The following ZSCAN5A variants were observed in gnomAD, a reference collection of about 807,000 sequenced individuals.
ZSCAN5A encodes zinc finger and SCAN domain containing 5A, also known as zinc finger and SCAN domain-containing protein 5A.
Under a neutral mutation model 23.7 loss-of-function variants are expected in ZSCAN5A, and 12 were observed. That is an observed-to-expected ratio of 0.51 (90% confidence interval 0.32 to 0.82). The LOEUF is 0.82. Ranked by LOEUF, ZSCAN5A falls within the 40% of genes least tolerant of loss-of-function variation. The probability of loss-of-function intolerance (pLI) is 0.03; values close to 1 mark genes in which losing one functional copy is unlikely to be tolerated. For synonymous variants in ZSCAN5A, 257 were observed against 239.9 expected (o/e 1.07, Z -0.66); for missense variants, 597 against 617.9 (o/e 0.97, Z 0.36).
At chr19:56,319,715 T>G (rs1271708961), upstream of ZSCAN5A, 27 of 628,160 alleles carry the variant, frequency 4.3e-5, no homozygotes, top group Admixed American at 5.8e-4. Context: ...TAGCAAAATA[T>G]GCACAAACAA....
chr19:56,320,886 G>T, intron 2 of ZSCAN5A: 1 of 765,614 alleles, frequency 1.3e-6, no homozygotes, highest in South Asian at 1.3e-5. Context: ...TAGAGTGTGG[G>T]GTTCCAATCT....
chr19:56,244,524 T>C lies in ZSCAN5A; in HGVS notation c.-127-19351A>G, dbSNP rs576895949. The C allele has an allele frequency of 5.9e-6, 8 of 1,359,360 alleles. 1 individual carries two copies. The Admixed American group carries it at 1.4e-4, about 24-fold the overall frequency. The allele number at this position is 1,359,360 out of a possible 1,614,324, so 84.2% of individuals were successfully genotyped here. A position where few individuals can be genotyped will look rare whatever the true frequency, so the allele number is the denominator to read the frequency against. On this transcript the variant is annotated intron_variant, in intron 2 of 5. Transcript: ENST00000683990. The stretch of plus-strand genomic sequence containing the variant: ...AGAGGACCCGAGGGGCTGCTCTAGG[T>C]CAGGGCTTCCAAGTAGAGGAGAGTT...
At chr19:56,318,366 A>C (rs2041339697), upstream of ZSCAN5A, among the ~76,000 whole-genome samples, 1 of 152,206 alleles carries the variant, frequency 6.6e-6, no homozygotes, top group African/African-American at 2.4e-5. Context: ...ATCAAAAGTA[A>C]TAAATAATGG....
rs560220852 is a variant in ZSCAN5A, at chr19:56,309,281, T to C, written c.-128+4002A>G. Among the ~76,000 whole-genome samples, 5 of 152,198 alleles carry C rather than the reference T, an allele frequency of 3.3e-5. No individual in the cohort carries two copies. The South Asian group carries it at 6.2e-4, about 19-fold the overall frequency. ...AAAGAGACAGAAGGCCAATTACTAGTTGTCAGGGGCTGAGGGGAGGAAGGA... is the reference window on the plus strand; with the variant it reads ...AAAGAGACAGAAGGCCAATTACTAGCTGTCAGGGGCTGAGGGGAGGAAGGA... On this transcript the variant is annotated intron_variant, in intron 2 of 5. Coordinates refer to ENST00000683990, the MANE Select transcript of ZSCAN5A (RefSeq NM_001322064.3).
At chr19:56,285,048 T>C in intron 2 of ZSCAN5A, 2 of 983,800 alleles carry the variant, frequency 2.0e-6, no homozygotes, top group South Asian at 9.4e-5. Flanking sequence ...TTGTATCTTT[T>C]AAACCTGGTC....
Position 56,320,615 on chromosome 19 carries a change from AAATAAT to A in ZSCAN5A, c.-357-4353_-357-4348del, listed in dbSNP as rs767420878. ...TGACAAGAGCGAAATTCTGTCTCAA[AAATAAT>A]AATAATAATAATAATAAGCCAGGCG... On this transcript the variant is annotated intron_variant, in intron 2 of 6. Coordinates refer to the ZSCAN5A transcript ENST00000587340. 147 of 631,332 alleles carry A rather than the reference AAATAAT, an allele frequency of 2.3e-4. 2 individuals are homozygous for A. The highest frequency in any genetic ancestry group is 1.2e-3 in the South Asian group (76 of 60,826). The allele number at this position is 631,332 out of a possible 1,614,324, so 39.1% of individuals were successfully genotyped here. A position where few individuals can be genotyped will look rare whatever the true frequency, so the allele number is the denominator to read the frequency against.
intron 2 of ZSCAN5A, chr19:56,299,993 G>A (rs1038692136): frequency 6.6e-6 from 1 of 152,140 alleles, no homozygotes; most frequent in Non-Finnish European, 1.5e-5. Context: ...TAGGCAAAAG[G>A]ATTGTGAAGA....
At chr19:56,225,325 G>A in intron 2 of ZSCAN5A, 152 bp from the exon 3 acceptor site, 1 of 554,814 alleles carries the variant, frequency 1.8e-6, no homozygotes, top group Non-Finnish European at 2.6e-6. Context: ...TACATACTCT[G>A]GTTTAAAATC....
chr19:56,275,413 T>G (rs1159004391), intron 2 of ZSCAN5A, among the ~76,000 whole-genome samples: 1 of 152,186 alleles, frequency 6.6e-6, no homozygotes, highest in Admixed American at 6.5e-5. Context: ...CTGTATTTAT[T>G]TATATCAGCG....
intron 2 of ZSCAN5A, among the ~76,000 whole-genome samples, chr19:56,230,676 C>T (rs916170904): frequency 6.6e-6 from 1 of 150,738 alleles, no homozygotes; most frequent in Non-Finnish European, 1.5e-5. Context: ...TTAAGATACA[C>T]CCTCTGAGCA....
chr19:56,344,929 AAAAAAAG>A (rs1600296203), intron 2 of ZSCAN5A, among the ~76,000 whole-genome samples: 1 of 147,504 alleles, frequency 6.8e-6, no homozygotes, highest in Non-Finnish European at 1.5e-5. Context: ...AAAAAAAAAA[AAAAAAAG>A]AAAAAAAAGA....
At chr19:56,272,030 CAT>C (rs1270864466) in intron 2 of ZSCAN5A, among the ~76,000 whole-genome samples, 3 of 152,284 alleles carry the variant, frequency 2.0e-5, no homozygotes, top group South Asian at 4.1e-4. Context: ...GATAGTATCA[CAT>C]TAGCCTGGAA....
In ZSCAN5A at chr19:56,222,286, T is replaced by G. The variant is rs769752546; in HGVS notation, c.780A>C (p.Lys260Asn). ...CATCCACATTTTCCACAGAGGCTAT[T>G]TTTGGGGGGTCCTTCCCCTCCTTTG... ...VRAKEGKDPP[K>N]IASVENVDAD... is the part of the protein sequence containing the mutation. The change falls in exon 6 of 6, where the codon AAA becomes AAC. Residue 260 changes from lysine to asparagine, a missense_variant. Coordinates refer to ENST00000683990, the MANE Select transcript of ZSCAN5A (RefSeq NM_001322064.3). 30 of 1,613,064 alleles carry G rather than the reference T, an allele frequency of 1.9e-5. No homozygotes were observed. The highest frequency in any genetic ancestry group is 2.2e-5 in the Non-Finnish European group (26 of 1,179,858).
intron 2 of ZSCAN5A, among the ~76,000 whole-genome samples, chr19:56,362,527 C>G (rs1306150492): frequency 1.3e-5 from 2 of 151,642 alleles, no homozygotes; most frequent in Non-Finnish European, 1.5e-5. Flanking sequence ...CGAGATTGCA[C>G]AAAAAGGCAA....
intron 2 of ZSCAN5A, among the ~76,000 whole-genome samples, chr19:56,358,658 A>C (rs906013201): frequency 2.0e-5 from 3 of 152,244 alleles, no homozygotes; most frequent in African/African-American, 7.2e-5. Context: ...CTTACTCTAA[A>C]ATTGATCACA....
rs569771686 is a variant in ZSCAN5A at position 56,326,094 on chromosome 19, A to G, written c.-357-9826T>C. ...ACTACAGGCCCCCGCCACCACGCCCAGCTAATTTTTTTTTTTGTATTTTTA... is the reference window on the plus strand; with the variant it reads ...ACTACAGGCCCCCGCCACCACGCCCGGCTAATTTTTTTTTTTGTATTTTTA... On this transcript the variant is annotated intron_variant, in intron 2 of 6. Coordinates refer to the ZSCAN5A transcript ENST00000587340. 1.5e-4 allele frequency among the ~76,000 whole-genome samples: 23 copies of G among 151,608 alleles called. No homozygotes were observed. The East Asian group carries it at 3.1e-3, about 21-fold the overall frequency.
chr19:56,352,896 A>G lies in ZSCAN5A; in HGVS notation c.-358+10339T>C, dbSNP rs2041676928. ...TGGTCGAGGAGAAGGTCTTTGCCAG[A>G]TGGCAGTGTTTCGATCTATTACACT... On this transcript the variant is annotated intron_variant, in intron 2 of 6. Transcript: ENST00000587340. The surrounding 1 kb of genome is among the most constrained non-coding windows in gnomAD (Gnocchi z 4.2). Among the ~76,000 whole-genome samples the G allele has an allele frequency of 6.6e-6, 1 of 152,218 alleles. No individual in the cohort carries two copies. Among genetic ancestry groups the G allele is most frequent in the African/African-American group, 2.4e-5 (1 of 41,464 alleles).
At chr19:56,238,485 A>G (rs528288563) in intron 2 of ZSCAN5A, among the ~76,000 whole-genome samples, 1 of 152,274 alleles carries the variant, frequency 6.6e-6, no homozygotes, top group Non-Finnish European at 1.5e-5. Context: ...TTTTAAAATT[A>G]GCCAAGTGTG....
chr19:56,236,341 C>T (rs62122506), intron 2 of ZSCAN5A, among the ~76,000 whole-genome samples: 174 of 38,680 alleles, frequency 4.5e-3, no homozygotes, highest in South Asian at 0.014. Flanking sequence ...CAAGTCTCCA[C>T]TCCAGCCTCT....
Sources: allele counts gnomAD v4.1 joint callset (sites outside exome capture counted in the v4.1 genomes callset), GRCh38; gene constraint gnomAD v4.1.1; non-coding constraint Gnocchi (gnomAD v3.1); transcripts MANE v1.5; gene names NCBI Gene and HGNC (gene_info 2026-07-23, HGNC 2026-07-21).